Variants in LRRIQ1 observed in about 807,000 individuals in gnomAD.
The protein encoded by LRRIQ1 is leucine-rich repeat- and IQ domain-containing protein 1.
Under a neutral mutation model 211.9 loss-of-function variants are expected in LRRIQ1, and 210 were observed. The observed-to-expected ratio is 0.99, with a 90% CI of 0.89 to 1.11. LRRIQ1 has a LOEUF of 1.11. Ranked by LOEUF, LRRIQ1 falls within the 50% of genes most tolerant of loss-of-function variation. The pLI is 0.00. For missense variants in LRRIQ1, 2,136 were observed against 1,939.5 expected, an observed-to-expected ratio of 1.10 and a Z score of -1.90; for synonymous variants, 699 against 650.1, an observed-to-expected ratio of 1.08 and a Z score of -1.14.
rs374611013 is a variant in LRRIQ1, at chr12:85,073,000, T to C, written c.2789T>C (p.Val930Ala). 6.2e-7 allele frequency: 1 copy of C among 1,612,790 alleles called. No individual in the cohort carries two copies. The highest frequency in any genetic ancestry group is 8.5e-7 in the Non-Finnish European group (1 of 1,179,298). Residue 930 changes from valine to alanine, a missense_variant, in exon 11 of 27, where the codon GTC (valine) becomes GCC (alanine). Val to Ala is a moderately conservative substitution (Grantham distance 64). Transcript: ENST00000393217. ...ACTTCTTACTTATCCCTGGCACAAG[T>C]CTGGATTCCAACTGGATTATGTTGG... Reference protein sequence around the residue: ...TSTSYLSLAQVWIPTGLCWSW... With the variant: ...TSTSYLSLAQAWIPTGLCWSW...
At chr12:85,122,135 CAA>C (rs1353999493) in intron 16 of LRRIQ1, among the ~76,000 whole-genome samples, 5 of 151,986 alleles carry the variant, frequency 3.3e-5, no homozygotes, top group Non-Finnish European at 7.4e-5. Context: ...AGCATCAAGA[CAA>C]GAGGCAAAAA....
chr12:85,127,784 T>C, intron 17 of LRRIQ1, 48 bp from the exon 18 acceptor site: 1 of 1,524,662 alleles, frequency 6.6e-7, no homozygotes, highest in Non-Finnish European at 9.0e-7. Context: ...CAACTCTGTA[T>C]TTACAGATAA....
intron 24 of LRRIQ1, among the ~76,000 whole-genome samples, chr12:85,179,353 A>G (rs1342289037): frequency 1.3e-5 from 2 of 151,982 alleles, no homozygotes; most frequent in African/African-American, 4.8e-5. Flanking sequence ...TTTCAACAGC[A>G]GTGTGCCATA....
intron 19 of LRRIQ1, among the ~76,000 whole-genome samples, chr12:85,139,481 T>C (rs369121090): frequency 6.6e-6 from 1 of 151,462 alleles, no homozygotes; most frequent in South Asian, 2.1e-4. Flanking sequence ...TATAGTCTTA[T>C]GGTTTCATGT....
chr12:85,185,223 G>T (rs1440488988), intron 24 of LRRIQ1, among the ~76,000 whole-genome samples: 1 of 151,806 alleles, frequency 6.6e-6, no homozygotes, highest in Non-Finnish European at 1.5e-5. Context: ...TTCTTCAGAT[G>T]AATGTTGAAC....
chr12:85,193,030 T>C, intron 24 of LRRIQ1, among the ~76,000 whole-genome samples: 1 of 106,816 alleles, frequency 9.4e-6, no homozygotes, highest in Non-Finnish European at 1.7e-5. Flanking sequence ...ATATATTTAT[T>C]ATATTATATT....
At chr12:85,210,971 C>T (rs1192294283) in intron 24 of LRRIQ1, among the ~76,000 whole-genome samples, 2 of 152,148 alleles carry the variant, frequency 1.3e-5, no homozygotes, top group Admixed American at 1.3e-4. Flanking sequence ...ACAAACCAAC[C>T]ATGTGCATGG....
At chr12:85,045,458 A>T (rs1879426850) in intron 4 of LRRIQ1, among the ~76,000 whole-genome samples, 1 of 151,674 alleles carries the variant, frequency 6.6e-6, no homozygotes, top group Admixed American at 6.6e-5. Context: ...ACTCTATTGA[A>T]TTTTTTGTAA....
chr12:85,227,747 C>T (rs1894734988), intron 24 of LRRIQ1, among the ~76,000 whole-genome samples: 1 of 152,090 alleles, frequency 6.6e-6, no homozygotes, highest in Admixed American at 6.6e-5. Flanking sequence ...AAGCTGGAGG[C>T]ATCACGCTAC....
chr12:85,198,679 T>C (rs12821628), intron 24 of LRRIQ1, among the ~76,000 whole-genome samples: 36,282 of 151,808 alleles, frequency 0.24, 4,719 homozygotes, highest in Admixed American at 0.31. Flanking sequence ...TCCATTCTCC[T>C]GCCTCAGCTT....
intron 24 of LRRIQ1, among the ~76,000 whole-genome samples, chr12:85,227,525 A>AT (rs199988721): frequency 0.017 from 2,544 of 151,916 alleles, 81 homozygotes; most frequent in African/African-American, 0.059. Context: ...GGGTTGTTTG[A>AT]TTTTTTCTTG....
intron 15 of LRRIQ1, among the ~76,000 whole-genome samples, chr12:85,118,471 T>C (rs1359878924): frequency 6.6e-6 from 1 of 151,568 alleles, no homozygotes; most frequent in Non-Finnish European, 1.5e-5. Flanking sequence ...TTGGGAGCTA[T>C]TTCTGCTCTC....
intron 1 of LRRIQ1, among the ~76,000 whole-genome samples, chr12:85,037,857 A>G: frequency 6.6e-6 from 1 of 152,070 alleles, no homozygotes; most frequent in Non-Finnish European, 1.5e-5. Context: ...ATTTATATGT[A>G]TTAATAACTG....
intron 11 of LRRIQ1, among the ~76,000 whole-genome samples, chr12:85,090,674 C>G (rs967995203): frequency 6.6e-6 from 1 of 152,200 alleles, no homozygotes; most frequent in African/African-American, 2.4e-5. Flanking sequence ...AGTTCTGATA[C>G]TTTCATTGTA....
chr12:85,106,745 C>A, intron 15 of LRRIQ1, 130 bp downstream of exon 15: 1 of 655,028 alleles, frequency 1.5e-6, no homozygotes, highest in Non-Finnish European at 2.6e-6. Context: ...CATTTTAAAC[C>A]AAAAAAGTTT....
intron 11 of LRRIQ1, among the ~76,000 whole-genome samples, chr12:85,081,377 C>T (rs1280294289): frequency 6.6e-6 from 1 of 151,980 alleles, no homozygotes; most frequent in Non-Finnish European, 1.5e-5. Flanking sequence ...TCCATTATTA[C>T]TATAATCAGA....
chr12:85,216,860 G>A (rs184440456), intron 24 of LRRIQ1, among the ~76,000 whole-genome samples: 1 of 151,888 alleles, frequency 6.6e-6, no homozygotes, highest in Admixed American at 6.5e-5. Context: ...TCTAAAAATA[G>A]TACAATAAAA....
intron 15 of LRRIQ1, among the ~76,000 whole-genome samples, chr12:85,118,234 A>G (rs1400383529): frequency 1.3e-5 from 2 of 152,176 alleles, no homozygotes; most frequent in African/African-American, 4.8e-5. Flanking sequence ...AAACATTGGT[A>G]GCTTCAAAAC....
chr12:85,086,116 T>G (rs1884793246), intron 11 of LRRIQ1, among the ~76,000 whole-genome samples: 1 of 152,196 alleles, frequency 6.6e-6, no homozygotes, highest in South Asian at 2.1e-4. Context: ...ACTTTCTTAC[T>G]AATGGCCATT....
Sources: gnomAD v4.1 joint callset for allele counts (sites outside exome capture counted in the v4.1 genomes callset) on GRCh38, gnomAD v4.1.1 for gene constraint, MANE v1.5 for transcripts, NCBI Gene and HGNC (gene_info 2026-07-23, HGNC 2026-07-21) for gene names.